The following ZNF385D variants were observed in gnomAD, a reference collection of about 807,000 sequenced individuals.
The protein encoded by ZNF385D is zinc finger protein 659.
A neutral mutation model predicts 35.8 loss-of-function variants in ZNF385D; 15 were observed. That is an observed-to-expected ratio of 0.42 (90% CI 0.28 to 0.64). The LOEUF (loss-of-function observed/expected upper bound fraction) is 0.64, where lower values mean the gene tolerates loss of function less well. Among genes scored for constraint, ZNF385D ranks in the 30% least tolerant of loss-of-function variants. ZNF385D has a pLI of 0.23. For missense variants in ZNF385D, 474 were observed against 494.6 expected, an observed-to-expected ratio of 0.96 and a Z score of 0.39; for synonymous variants, 212 against 186.8, an observed-to-expected ratio of 1.13 and a Z score of -1.10.
intron 1 of ZNF385D, among the ~76,000 whole-genome samples, chr3:21,682,978 T>C (rs189892397): frequency 2.0e-5 from 3 of 150,024 alleles, no homozygotes; most frequent in South Asian, 2.2e-4. Context: ...CCTCAAACTT[T>C]AGTGAGCATC....
intron 3 of ZNF385D, among the ~76,000 whole-genome samples, chr3:21,818,033 A>G (rs558359180): frequency 6.6e-6 from 1 of 152,328 alleles, no homozygotes; most frequent in Admixed American, 6.5e-5. Flanking sequence ...TTGTAGGGAC[A>G]TGGATGAAGC....
At chr3:21,745,815 A>C (rs1014927181) in intron 1 of ZNF385D, among the ~76,000 whole-genome samples, 10 of 152,190 alleles carry the variant, frequency 6.6e-5, no homozygotes, top group African/African-American at 2.4e-4. Flanking sequence ...ATGCTTTCTT[A>C]GGCAGGAAAA....
At chr3:21,648,167 T>G (rs909968042) in intron 2 of ZNF385D, among the ~76,000 whole-genome samples, 1 of 151,928 alleles carries the variant, frequency 6.6e-6, no homozygotes, top group African/African-American at 2.4e-5. Context: ...CCAGTGGGAG[T>G]TGATTGGATC....
intron 2 of ZNF385D, among the ~76,000 whole-genome samples, chr3:21,581,478 G>A (rs2063661570): frequency 6.6e-6 from 1 of 152,092 alleles, no homozygotes. Context: ...TGCAAAAGAG[G>A]TAGGGTGTTG....
At chr3:22,176,217 C>T (rs769131248) in intron 2 of ZNF385D, among the ~76,000 whole-genome samples, 3 of 151,922 alleles carry the variant, frequency 2.0e-5, no homozygotes, top group Admixed American at 6.6e-5. Flanking sequence ...GTGTGTACAG[C>T]ACAGCTAACG....
In ZNF385D at chr3:21,989,009, G is replaced by C. The variant is rs902172626; in HGVS notation, c.325+179808C>G. ...GTGAGGCAATGCCTCGCCCTGCTTC[G>C]GCTCGCGCACGGTGCGCGCACCCAC... On this transcript the variant is annotated intron_variant, in intron 3 of 5. Coordinates refer to the ZNF385D transcript ENST00000494108. Among the ~76,000 whole-genome samples the C allele has an allele frequency of 2.6e-5, 4 of 152,010 alleles. No homozygotes were observed. The East Asian group carries it at 7.8e-4, about 30-fold the overall frequency.
At chr3:21,764,741 C>T (rs2070755220) in intron 3 of ZNF385D, among the ~76,000 whole-genome samples, 1 of 152,146 alleles carries the variant, frequency 6.6e-6, no homozygotes, top group South Asian at 2.1e-4. Flanking sequence ...AGTCAGCATG[C>T]TGTGTGCACT....
chr3:22,246,954 C>T (rs1206694575), intron 2 of ZNF385D, among the ~76,000 whole-genome samples: 1 of 149,276 alleles, frequency 6.7e-6, no homozygotes, highest in Admixed American at 6.6e-5. Context: ...CATACGTGCA[C>T]ACACACAATT....
At chr3:22,090,437 G>A (rs1476037551) in intron 3 of ZNF385D, among the ~76,000 whole-genome samples, 1 of 151,840 alleles carries the variant, frequency 6.6e-6, no homozygotes, top group African/African-American at 2.4e-5. Flanking sequence ...TGACCTTATG[G>A]TAATAATGAT....
chr3:21,989,065 G>A (rs941693598), intron 3 of ZNF385D, among the ~76,000 whole-genome samples: 1 of 152,096 alleles, frequency 6.6e-6, no homozygotes, highest in Non-Finnish European at 1.5e-5. Context: ...GCACTCCCTA[G>A]TGAGATGAAC....
At chr3:22,047,644 T>C (rs546219365) in intron 3 of ZNF385D, among the ~76,000 whole-genome samples, 7 of 152,264 alleles carry the variant, frequency 4.6e-5, no homozygotes, top group South Asian at 4.1e-4. Context: ...TATTCATTCA[T>C]CATTGGTGGA....
chr3:22,135,296 C>T (rs1275043064), intron 3 of ZNF385D, among the ~76,000 whole-genome samples: 1 of 151,718 alleles, frequency 6.6e-6, no homozygotes, highest in East Asian at 1.9e-4. Flanking sequence ...GATATAAGGT[C>T]AACACACACA....
chr3:22,258,026 T>C (rs368811931), intron 2 of ZNF385D, among the ~76,000 whole-genome samples: 9 of 151,784 alleles, frequency 5.9e-5, no homozygotes, highest in African/African-American at 2.2e-4. Context: ...AGGAGAGGTG[T>C]TTTACACAAA....
At chr3:21,848,815 G>A (rs929102372) in intron 3 of ZNF385D, among the ~76,000 whole-genome samples, 11 of 152,000 alleles carry the variant, frequency 7.2e-5, no homozygotes, top group African/African-American at 2.2e-4. Context: ...ATATAAAGAA[G>A]GGGAATGCTA....
chr3:22,135,279 T>G (rs7616202), intron 3 of ZNF385D, among the ~76,000 whole-genome samples: 8,365 of 151,960 alleles, frequency 0.055, 723 homozygotes, highest in African/African-American at 0.18. Context: ...GCTCAGCAAG[T>G]TCAGCAGATA....
At chr3:22,130,411 G>C (rs890448215) in intron 3 of ZNF385D, among the ~76,000 whole-genome samples, 1 of 152,120 alleles carries the variant, frequency 6.6e-6, no homozygotes, top group Non-Finnish European at 1.5e-5. Flanking sequence ...TGCCTTTCAA[G>C]TTTATTTAGA....
At chr3:21,594,469 C>T (rs988386105) in intron 2 of ZNF385D, among the ~76,000 whole-genome samples, 4 of 152,250 alleles carry the variant, frequency 2.6e-5, no homozygotes, top group South Asian at 2.1e-4. Flanking sequence ...AGAATGATTT[C>T]AGGCCCAGGC....
intron 2 of ZNF385D, among the ~76,000 whole-genome samples, chr3:22,236,025 G>A (rs567586104): frequency 6.6e-6 from 1 of 152,068 alleles, no homozygotes; most frequent in Admixed American, 6.6e-5. Flanking sequence ...AAGAATCATT[G>A]CAACATTGAT....
intron 3 of ZNF385D, among the ~76,000 whole-genome samples, chr3:21,780,022 T>C (rs1235584100): frequency 6.6e-6 from 1 of 151,944 alleles, no homozygotes; most frequent in Non-Finnish European, 1.5e-5. Context: ...TGGGAACATC[T>C]ATTGTGTTAC....
Sources: allele counts gnomAD v4.1 joint callset (sites outside exome capture counted in the v4.1 genomes callset), GRCh38; gene constraint gnomAD v4.1.1; transcripts MANE v1.5; gene names NCBI Gene and HGNC (gene_info 2026-07-23, HGNC 2026-07-21).